DDX11: variants seen among roughly 807,000 people sequenced by gnomAD.
DDX11 encodes DEAD/H-box helicase 11, also known as ATP-dependent DNA helicase DDX11.
In DDX11, 72 loss-of-function variants were observed where a neutral mutation model predicts 125.2. The observed-to-expected ratio is 0.58, with a 90% CI of 0.48 to 0.70. The LOEUF (loss-of-function observed/expected upper bound fraction) is 0.70, where lower values mean the gene tolerates loss of function less well. Ranked by LOEUF, DDX11 falls within the 30% of genes least tolerant of loss-of-function variation. DDX11 has a pLI of 0.00. For missense variants in DDX11, 883 were observed against 1,165.0 expected (o/e 0.76, Z 3.52); for synonymous variants, 347 against 452.6 (o/e 0.77, Z 2.96).
chr12:31,083,316 A>AAAC (rs1942362579), intron 2 of DDX11, among the ~76,000 whole-genome samples: 1 of 146,462 alleles, frequency 6.8e-6, no homozygotes, highest in Non-Finnish European at 1.5e-5. Flanking sequence ...TTTGCTTAAA[A>AAAC]AAAAAAAAAC....
At position 31,085,117 on chromosome 12, in the gene DDX11, T is replaced by C; in HGVS notation, c.629T>C (p.Val210Ala). Reference protein sequence around the residue: ...AEYESDEEKKVASRVDEDEDD... With the variant: ...AEYESDEEKKAASRVDEDEDD... ...TACGAGAGTGATGAGGAGAAAAAGG[T>C]GGCGAGCAGGTGAGACAGAGGCGGT... is the stretch of plus-strand genomic sequence containing the variant. The change falls in exon 5 of 27, where the codon GTG becomes GCG. Residue 210 changes from valine to alanine, a missense_variant. This residue lies in a region of DDX11 where 283 missense variants were observed against 359.6 expected (regional missense o/e 0.79). Coordinates refer to ENST00000542838, the MANE Select transcript of DDX11 (RefSeq NM_030653.4). 6.4e-7 allele frequency: 1 copy of C among 1,564,024 alleles called. No individual in the cohort carries two copies. The highest frequency in any genetic ancestry group is 8.7e-7 in the Non-Finnish European group (1 of 1,154,112).
intron 12 of DDX11, 165 bp from the exon 13 acceptor site, chr12:31,094,425 C>T: frequency 3.9e-6 from 5 of 1,291,104 alleles, no homozygotes; most frequent in Non-Finnish European, 3.2e-6. Flanking sequence ...CCCACCTGCC[C>T]TCTCAGTGGG....
rs1411768794 is a variant in DDX11, at chr12:31,104,428, C to T, written c.*592C>T. ...CTGCCTGGATTTGTATCCTTGGCTT[C>T]GTGCCAGTTCCTCCAAGTCTATGGC... On this transcript the variant is annotated 3_prime_UTR_variant, in exon 27 of 27. Coordinates refer to ENST00000542838, the MANE Select transcript of DDX11 (RefSeq NM_030653.4). 17 of 210,272 alleles carry T rather than the reference C, an allele frequency of 8.1e-5. No homozygotes were observed. Among genetic ancestry groups the T allele is most frequent in the East Asian group, 7.8e-4 (7 of 8,918 alleles). The allele number at this position is 210,272 out of a possible 1,614,324, so 13.0% of individuals were successfully genotyped here.
chr12:31,100,915 G>T (rs554772359), intron 19 of DDX11, 112 bp from the exon 20 acceptor site: 5 of 1,150,690 alleles, frequency 4.3e-6, no homozygotes, highest in South Asian at 3.7e-5. Context: ...GCGGGTGAGC[G>T]CTGTCAGTCG....
At chr12:31,102,877 G>A in intron 23 of DDX11, 59 bp from the exon 24 acceptor site, 1 of 1,509,408 alleles carries the variant, frequency 6.6e-7, no homozygotes. Flanking sequence ...CTGGTGACGT[G>A]GGTGATGACC....
intron 2 of DDX11, among the ~76,000 whole-genome samples, chr12:31,080,998 G>A (rs1941802841): frequency 6.6e-6 from 1 of 152,092 alleles, no homozygotes; most frequent in Non-Finnish European, 1.5e-5. Context: ...TCCCTCCTTG[G>A]CCTCCCATAG....
At chr12:31,079,525 A>G in intron 2 of DDX11, among the ~76,000 whole-genome samples, 1 of 142,054 alleles carries the variant, frequency 7.0e-6, no homozygotes, top group Non-Finnish European at 1.5e-5. Context: ...GAGGAGAAAA[A>G]CAAATCTTTG....
chr12:31,102,735 A>G (rs904037149), intron 23 of DDX11: 15 of 714,172 alleles, frequency 2.1e-5, no homozygotes, highest in Non-Finnish European at 3.5e-5. Context: ...TTGCTGTATC[A>G]GGACCCAGTC....
At position 31,074,024 on chromosome 12, in the gene DDX11, G is replaced by A. The variant is rs1306805762; in HGVS notation, c.-72G>A. ...TCCTTAGGACGAGGAGCAGCGGGAC[G>A]AGGAAGGGCAGACTGGTGAAATCGC... On this transcript the variant is annotated 5_prime_UTR_variant, in exon 1 of 27. Transcript: ENST00000542838. 3.3e-5 allele frequency: 5 copies of A among 152,350 alleles called. No homozygotes were observed. The highest frequency in any genetic ancestry group is 5.9e-5 in the Non-Finnish European group (4 of 68,120). The allele number at this position is 152,350 out of a possible 1,614,324, so 9.4% of individuals were successfully genotyped here.
intron 3 of DDX11, 31 bp downstream of exon 3, chr12:31,084,092 A>G (rs2553134): frequency 0.48 from 765,427 of 1,590,696 alleles, 193,364 homozygotes; most frequent in East Asian, 0.84. Flanking sequence ...AAGTGGGAGT[A>G]CTGGAGGAAA....
intron 17 of DDX11, among the ~76,000 whole-genome samples, chr12:31,097,679 CAA>C (rs10676316): frequency 9.7e-5 from 9 of 93,160 alleles, no homozygotes; most frequent in Middle Eastern, 6.0e-3. Flanking sequence ...GACTCCATCT[CAA>C]AAAAAAAAAA....
intron 10 of DDX11, among the ~76,000 whole-genome samples, chr12:31,092,211 G>T (rs1257120475): frequency 1.3e-5 from 2 of 152,024 alleles, no homozygotes; most frequent in African/African-American, 4.8e-5. Context: ...GAAGTTGTCT[G>T]GAGGGGACTG....
chr12:31,083,969 G>C lies in DDX11; in HGVS notation c.301G>C (p.Ala101Pro). The change falls in exon 3 of 27, where the codon GCT becomes CCT. Residue 101 changes from alanine to proline, a missense_variant. Around this residue, in one of 5 missense-constraint regions of DDX11, gnomAD observed 283 missense variants for 359.6 expected, o/e 0.79. Coordinates refer to ENST00000542838, the MANE Select transcript of DDX11 (RefSeq NM_030653.4). ...GTGTCTGTCTTCTTCCTGCGAAGGG[G>C]CTGCAGGCACCCCGAGGCCTGCTGG... ...SLCLSSSCEGAAGTPRPAGEP... is the reference protein window; with the variant it reads ...SLCLSSSCEGPAGTPRPAGEP... The C allele has an allele frequency of 6.2e-7, 1 of 1,613,966 alleles. No homozygotes were observed. The highest frequency in any genetic ancestry group is 8.5e-7 in the Non-Finnish European group (1 of 1,179,854).
Position 31,101,742 on chromosome 12 carries a change from C to T in DDX11, c.2053-91C>T, listed in dbSNP as rs570640636. On this transcript the variant is annotated intron_variant, in intron 20 of 26. Transcript: ENST00000542838. ...TGTAGTCCTGCCGAGGGTCTCTCCTCAGTTTTGAGTCTCAAGGTGAAGACG... is the reference window on the plus strand; with the variant it reads ...TGTAGTCCTGCCGAGGGTCTCTCCTTAGTTTTGAGTCTCAAGGTGAAGACG... The T allele has an allele frequency of 1.0e-4, 160 of 1,566,748 alleles. 1 individual carries two copies. In the South Asian group the frequency reaches 1.7e-3, roughly 17 times the overall value.
Position 31,092,760 on chromosome 12 carries a change from G to C in DDX11, c.1243-86G>C, listed in dbSNP as rs551209587. Reference sequence around the variant, plus strand: ...CTTTGGTGGCTTCCTGTGTGTCCAGGGCCAGCATCTTCTAGGTGAATCTAA... The same window carrying C: ...CTTTGGTGGCTTCCTGTGTGTCCAGCGCCAGCATCTTCTAGGTGAATCTAA... On this transcript the variant is annotated intron_variant, in intron 10 of 26. Transcript: ENST00000542838. 5.6e-6 allele frequency: 8 copies of C among 1,430,930 alleles called. No homozygotes were observed. In the South Asian group the frequency reaches 9.3e-5, roughly 17 times the overall value. The allele number at this position is 1,430,930 out of a possible 1,614,324, so 88.6% of individuals were successfully genotyped here.
At chr12:31,098,371 TA>T (rs1461349903) in intron 18 of DDX11, among the ~76,000 whole-genome samples, 1 of 152,286 alleles carries the variant, frequency 6.6e-6, no homozygotes, top group African/African-American at 2.4e-5. Flanking sequence ...ATAGCTGTTT[TA>T]AAAACAAAAG....
At chr12:31,101,733 G>T (rs747214361) in intron 20 of DDX11, 100 bp from the exon 21 acceptor site, 3 of 1,539,364 alleles carry the variant, frequency 1.9e-6, no homozygotes, top group Admixed American at 1.7e-5. Context: ...CCTGCCGAGG[G>T]TCTCTCCTCA....
At chr12:31,098,092 C>G in intron 18 of DDX11, 95 bp downstream of exon 18, 1 of 975,844 alleles carries the variant, frequency 1.0e-6, no homozygotes, top group Non-Finnish European at 1.6e-6. Flanking sequence ...TCTCCTGGGG[C>G]CCCAAGCCAG....
At chr12:31,089,830 C>A (rs1315558659) in intron 8 of DDX11, 56 bp from the exon 9 acceptor site, 16 of 1,587,796 alleles carry the variant, frequency 1.0e-5, no homozygotes. Flanking sequence ...CCTCTTGGGC[C>A]CGTGGACAGT....
Sources: gnomAD v4.1 joint callset for allele counts (sites outside exome capture counted in the v4.1 genomes callset) on GRCh38, gnomAD v4.1.1 for gene constraint, gnomAD v4.1.1 regional missense constraint, MANE v1.5 for transcripts, NCBI Gene and HGNC (gene_info 2026-07-23, HGNC 2026-07-21) for gene names.